Variants in SUSD4 observed in about 807,000 individuals in gnomAD.
The protein encoded by SUSD4 is sushi domain-containing protein 4.
Under a neutral mutation model 50.5 loss-of-function variants are expected in SUSD4, and 41 were observed. The observed-to-expected ratio is 0.81, with a 90% CI of 0.63 to 1.05. The LOEUF (loss-of-function observed/expected upper bound fraction) is 1.05. Among genes scored for constraint, SUSD4 ranks in the 50% least tolerant of loss-of-function variants. The pLI is 0.00. For synonymous variants in SUSD4, 257 were observed against 257.3 expected (o/e 1.00, Z 0.01); for missense variants, 580 against 634.7 (o/e 0.91, Z 0.93).
intron 5 of SUSD4, among the ~76,000 whole-genome samples, chr1:223,247,597 AGAACATGCATGCTC>A (rs1661026993): frequency 6.6e-6 from 1 of 152,252 alleles, no homozygotes; most frequent in African/African-American, 2.4e-5. Context: ...GTGAAACAGC[AGAACATGCATGCTC>A]CAGATGTTTG....
chr1:223,316,822 C>T (rs1322993491), intron 2 of SUSD4, among the ~76,000 whole-genome samples: 1 of 152,132 alleles, frequency 6.6e-6, no homozygotes, highest in Non-Finnish European at 1.5e-5. Flanking sequence ...CCTCCGCCTC[C>T]CTGCACAACC....
intron 8 of SUSD4, 137 bp downstream of exon 8, chr1:223,223,112 T>C: frequency 7.8e-7 from 1 of 1,280,896 alleles, no homozygotes; most frequent in Non-Finnish European, 1.0e-6. Flanking sequence ...CATGAAGCAA[T>C]TTAAGCTGAG....
At chr1:223,364,213 G>C (rs914974926), upstream of SUSD4, 3 of 150,662 alleles carry the variant, frequency 2.0e-5, no homozygotes. The surrounding 1 kb of genome is among the most constrained non-coding windows in gnomAD (Gnocchi z 4.5). Context: ...CCGCCCGCGC[G>C]CTCCCTCCCC....
intron 7 of SUSD4, 126 bp from the exon 8 acceptor site, chr1:223,223,757 A>G: frequency 8.5e-7 from 1 of 1,179,598 alleles, no homozygotes; most frequent in South Asian, 1.8e-5. Context: ...CGTATGGAGG[A>G]TAATATGGAA....
intron 2 of SUSD4, among the ~76,000 whole-genome samples, chr1:223,313,780 C>T (rs2103221179): frequency 6.6e-6 from 1 of 152,288 alleles, no homozygotes. Flanking sequence ...CTCTGGTCAT[C>T]CTCACTGCTC....
intron 3 of SUSD4, among the ~76,000 whole-genome samples, chr1:223,269,107 C>A (rs1662732590): frequency 6.6e-6 from 1 of 152,204 alleles, no homozygotes; most frequent in Non-Finnish European, 1.5e-5. Flanking sequence ...AGCCATGCCA[C>A]CTCTGTCTAA....
At chr1:223,226,897 A>G (rs1659554781) in intron 7 of SUSD4, among the ~76,000 whole-genome samples, 1 of 152,160 alleles carries the variant, frequency 6.6e-6, no homozygotes, top group South Asian at 2.1e-4. Flanking sequence ...TTCTCCCTCC[A>G]GGAACAATGA....
At position 223,223,521 on chromosome 1, in the gene SUSD4, C is replaced by T. The variant is rs368036291; in HGVS notation, c.1172G>A (p.Gly391Asp). The T allele has an allele frequency of 4.2e-5, 68 of 1,612,646 alleles. No homozygotes were observed. The highest frequency in any genetic ancestry group is 5.8e-5 in the Non-Finnish European group (68 of 1,179,656). ...EAVSGGLSAL[G>D]PGYMASVGQG... is the part of the protein sequence containing the mutation. ...GCCCACAGAGGCCATGTACCCGGGG[C>T]CTAAGGCACTCAAGCCGCCACTCAC... Residue 391 changes from glycine (G) to aspartate (D), a missense_variant, in exon 8 of 9, where the codon GGC becomes GAC. Coordinates refer to ENST00000366878, the MANE Select transcript of SUSD4 (RefSeq NM_017982.4).
chr1:223,293,572 G>A (rs1664633887), intron 2 of SUSD4, among the ~76,000 whole-genome samples: 1 of 152,178 alleles, frequency 6.6e-6, no homozygotes, highest in Admixed American at 6.5e-5. Flanking sequence ...AGAAGCCCAG[G>A]CAGGAGAGCA....
At chr1:223,225,891 A>T (rs1298286200) in intron 7 of SUSD4, among the ~76,000 whole-genome samples, 1 of 152,154 alleles carries the variant, frequency 6.6e-6, no homozygotes, top group Non-Finnish European at 1.5e-5. Flanking sequence ...AAAAAAGTCC[A>T]TTCTTGGTTT....
At chr1:223,360,672 G>A (rs1376699175) in intron 2 of SUSD4, among the ~76,000 whole-genome samples, 1 of 152,006 alleles carries the variant, frequency 6.6e-6, no homozygotes, top group Non-Finnish European at 1.5e-5. Flanking sequence ...TACTTGTACT[G>A]GGCACATGCT....
At chr1:223,290,951 CATAT>C (rs140636345) in intron 3 of SUSD4, among the ~76,000 whole-genome samples, 3 of 149,150 alleles carry the variant, frequency 2.0e-5, no homozygotes, top group Non-Finnish European at 3.0e-5. Context: ...AGTCTATATA[CATAT>C]ATATATATAT....
chr1:223,263,437 T>G (rs1192106654), intron 5 of SUSD4, among the ~76,000 whole-genome samples: 1 of 152,268 alleles, frequency 6.6e-6, no homozygotes, highest in Non-Finnish European at 1.5e-5. Context: ...ATTATTTGCT[T>G]ATCTGAAATT....
chr1:223,230,527 A>G (rs751561768), intron 5 of SUSD4: 23 of 152,290 alleles, frequency 1.5e-4, no homozygotes, highest in Non-Finnish European at 3.1e-4. Flanking sequence ...CTGGCCACTG[A>G]AACTACTCAC....
intron 5 of SUSD4, among the ~76,000 whole-genome samples, chr1:223,259,088 G>A (rs1290728742): frequency 6.6e-6 from 1 of 152,142 alleles, no homozygotes; most frequent in Non-Finnish European, 1.5e-5. Context: ...CATGCTATGT[G>A]AGCCCCAGGG....
intron 5 of SUSD4, among the ~76,000 whole-genome samples, chr1:223,240,874 T>C (rs1438145929): frequency 6.6e-6 from 1 of 152,224 alleles, no homozygotes; most frequent in Non-Finnish European, 1.5e-5. Flanking sequence ...CTGGACAAGG[T>C]GTACCAGGTA....
At chr1:223,249,745 T>C (rs2103039153) in intron 5 of SUSD4, among the ~76,000 whole-genome samples, 1 of 152,362 alleles carries the variant, frequency 6.6e-6, no homozygotes, top group South Asian at 2.1e-4. Flanking sequence ...TAGAATTTTA[T>C]CAGTATTTCT....
chr1:223,237,351 G>T (rs961800909), intron 5 of SUSD4, among the ~76,000 whole-genome samples: 4 of 151,540 alleles, frequency 2.6e-5, no homozygotes, highest in African/African-American at 9.7e-5. Flanking sequence ...TCCTTTTCTT[G>T]CCTTATTGCA....
At chr1:223,251,488 G>A (rs182238099) in intron 5 of SUSD4, among the ~76,000 whole-genome samples, 74 of 152,230 alleles carry the variant, frequency 4.9e-4, no homozygotes, top group Admixed American at 5.9e-4. Flanking sequence ...CCAACACCGG[G>A]AATCAAATTT....
Sources: gnomAD v4.1 joint callset for allele counts (sites outside exome capture counted in the v4.1 genomes callset) on GRCh38, gnomAD v4.1.1 for gene constraint, Gnocchi (gnomAD v3.1) non-coding constraint, MANE v1.5 for transcripts, NCBI Gene and HGNC (gene_info 2026-07-23, HGNC 2026-07-21) for gene names.